The following NR3C2 variants were observed in gnomAD, a reference collection of about 807,000 sequenced individuals.
The protein encoded by NR3C2 is nuclear receptor subfamily 3 group C member 2.
In NR3C2, 15 loss-of-function variants were observed where a neutral mutation model predicts 86.4. That is an observed-to-expected ratio of 0.17 (90% CI 0.12 to 0.27). The LOEUF (loss-of-function observed/expected upper bound fraction) is 0.27. NR3C2 is among the 10% of genes least tolerant of loss of function. NR3C2 has a pLI of 1.00. For synonymous variants in NR3C2, 458 were observed against 450.5 expected, an observed-to-expected ratio of 1.02 and a Z score of -0.21; for missense variants, 960 against 1,195.6, an observed-to-expected ratio of 0.80 and a Z score of 2.91.
chr4:148,223,758 G>A (rs1442347103), intron 3 of NR3C2, among the ~76,000 whole-genome samples: 1 of 152,152 alleles, frequency 6.6e-6, no homozygotes, highest in African/African-American at 2.4e-5. Flanking sequence ...AAAGGTGAGA[G>A]ATGAATCACA....
intron 2 of NR3C2, among the ~76,000 whole-genome samples, chr4:148,410,473 A>C (rs1275683936): frequency 1.3e-5 from 2 of 152,238 alleles, no homozygotes; most frequent in African/African-American, 4.8e-5. Flanking sequence ...GATAAGCAAT[A>C]ACAGTAGTTT....
At chr4:148,227,102 T>C (rs554964392) in intron 3 of NR3C2, among the ~76,000 whole-genome samples, 3 of 152,304 alleles carry the variant, frequency 2.0e-5, no homozygotes, top group Admixed American at 1.3e-4. Flanking sequence ...AATCCACTTT[T>C]CTTATATTTC....
intron 4 of NR3C2, among the ~76,000 whole-genome samples, chr4:148,166,550 A>C (rs1734887271): frequency 6.6e-6 from 1 of 152,142 alleles, no homozygotes; most frequent in Non-Finnish European, 1.5e-5. Flanking sequence ...TCTTTAAAAG[A>C]ATGTGCTTCC....
At chr4:148,244,618 G>A (rs1362159023) in intron 3 of NR3C2, among the ~76,000 whole-genome samples, 1 of 152,188 alleles carries the variant, frequency 6.6e-6, no homozygotes, top group Non-Finnish European at 1.5e-5. Context: ...CACATGCAGG[G>A]TCTTAACTTA....
At chr4:148,323,739 C>A (rs865926605) in intron 2 of NR3C2, among the ~76,000 whole-genome samples, 9 of 152,110 alleles carry the variant, frequency 5.9e-5, no homozygotes, top group Admixed American at 2.0e-4. Context: ...TGCTTCGGCT[C>A]GCACACGGTG....
intron 3 of NR3C2, among the ~76,000 whole-genome samples, chr4:148,221,729 C>T (rs1737857650): frequency 6.6e-6 from 1 of 151,738 alleles, no homozygotes; most frequent in African/African-American, 2.4e-5. Flanking sequence ...CCCATCTCTA[C>T]TAGAAATACA....
intron 3 of NR3C2, among the ~76,000 whole-genome samples, chr4:148,244,393 T>C (rs1739218422): frequency 6.6e-6 from 1 of 152,190 alleles, no homozygotes. Flanking sequence ...TTTTCTCCAA[T>C]ATGCTACACT....
At chr4:148,294,324 A>G (rs1279128260) in intron 2 of NR3C2, among the ~76,000 whole-genome samples, 1 of 152,152 alleles carries the variant, frequency 6.6e-6, no homozygotes, top group Non-Finnish European at 1.5e-5. Flanking sequence ...CCCCAAATCC[A>G]TGTCATAAAT....
intron 2 of NR3C2, among the ~76,000 whole-genome samples, chr4:148,303,220 T>C (rs574773041): frequency 1.3e-5 from 2 of 152,334 alleles, no homozygotes. Flanking sequence ...ACTCATTAGT[T>C]GTTTTTAAGT....
intron 8 of NR3C2, among the ~76,000 whole-genome samples, chr4:148,103,787 C>T (rs963913595): frequency 5.9e-5 from 9 of 152,124 alleles, no homozygotes; most frequent in Non-Finnish European, 1.3e-4. Flanking sequence ...GCCCTTTCTA[C>T]CTCTACGCGG....
chr4:148,080,530 T>TC lies in NR3C2; in HGVS notation c.*813dup, dbSNP rs1402843925. On this transcript the variant is annotated 3_prime_UTR_variant, in exon 9 of 9. Transcript: ENST00000358102. ...AAATAGAATTCTTTCAAAAATACTT[T>TC]CCCATTCATCCTATTAACCATTAAA... 2.6e-5 allele frequency: 4 copies of TC among 155,954 alleles called. No individual in the cohort carries two copies. The highest frequency in any genetic ancestry group is 1.9e-4 in the Admixed American group (3 of 15,948). The allele number at this position is 155,954 out of a possible 1,614,324, so 9.7% of individuals were successfully genotyped here.
intron 8 of NR3C2, among the ~76,000 whole-genome samples, chr4:148,091,623 A>G (rs1246172774): frequency 6.6e-6 from 1 of 152,216 alleles, no homozygotes. Context: ...CAAAGCATCT[A>G]CCAGTCACCC....
At chr4:148,167,956 T>C (rs1474937291) in intron 4 of NR3C2, among the ~76,000 whole-genome samples, 1 of 152,188 alleles carries the variant, frequency 6.6e-6, no homozygotes, top group Non-Finnish European at 1.5e-5. Flanking sequence ...GACAGCCCTG[T>C]GGCCAGGGGG....
chr4:148,319,803 T>C (rs1743455738), intron 2 of NR3C2, among the ~76,000 whole-genome samples: 2 of 149,336 alleles, frequency 1.3e-5, no homozygotes, highest in African/African-American at 5.1e-5. Context: ...TTTCTAGATA[T>C]ACAATCATGT....
chr4:148,325,878 TACAC>T (rs1428478360), intron 2 of NR3C2, among the ~76,000 whole-genome samples: 9 of 152,274 alleles, frequency 5.9e-5, no homozygotes, highest in Admixed American at 1.3e-4. Context: ...AAGTAGGAGA[TACAC>T]ACAGACGTGT....
chr4:148,247,540 C>T (rs893750276), intron 3 of NR3C2, among the ~76,000 whole-genome samples: 1 of 151,512 alleles, frequency 6.6e-6, no homozygotes, highest in African/African-American at 2.4e-5. Flanking sequence ...TGAGTCTGCT[C>T]TACAGGTAAT....
At chr4:148,441,102 G>A (rs1424388062) in intron 1 of NR3C2, among the ~76,000 whole-genome samples, 3 of 152,194 alleles carry the variant, frequency 2.0e-5, no homozygotes, top group Non-Finnish European at 4.4e-5. Flanking sequence ...GGTCACCTGA[G>A]AGAGCGGGAG....
intron 2 of NR3C2, among the ~76,000 whole-genome samples, chr4:148,354,419 GTGCCGGGT>G (rs984499877): frequency 3.9e-5 from 6 of 152,016 alleles, no homozygotes; most frequent in African/African-American, 1.2e-4. Context: ...ATTTTCTATG[GTGCCGGGT>G]TGTCAGTGTC....
At chr4:148,305,326 T>C (rs1478423976) in intron 2 of NR3C2, among the ~76,000 whole-genome samples, 1 of 152,162 alleles carries the variant, frequency 6.6e-6, no homozygotes, top group Non-Finnish European at 1.5e-5. Context: ...AGTCTTCTTT[T>C]AAAGACAGTG....
Sources: allele counts gnomAD v4.1 joint callset (sites outside exome capture counted in the v4.1 genomes callset), GRCh38; gene constraint gnomAD v4.1.1; transcripts MANE v1.5; gene names NCBI Gene and HGNC (gene_info 2026-07-23, HGNC 2026-07-21).